Variants in OXR1 observed in about 807,000 individuals in gnomAD.
OXR1 encodes oxidation resistance protein 1.
OXR1 carries 41 observed loss-of-function variants against 104.6 expected under a neutral mutation model. The observed-to-expected ratio is 0.39, with a 90% confidence interval of 0.31 to 0.51. The LOEUF is 0.51. Ranked by LOEUF, OXR1 falls within the 20% of genes least tolerant of loss-of-function variation. The probability of loss-of-function intolerance (pLI) is 0.77; values close to 1 mark genes in which losing one functional copy is unlikely to be tolerated. For synonymous variants in OXR1, 348 were observed against 348.4 expected, an observed-to-expected ratio of 1.00 and a Z score of 0.01; for missense variants, 955 against 1,031.9, an observed-to-expected ratio of 0.93 and a Z score of 1.02.
At chr8:106,519,199 A>G in intron 3 of OXR1, 60 bp downstream of exon 3, 1 of 1,193,076 alleles carries the variant, frequency 8.4e-7, no homozygotes. Context: ...GGCATTGAGA[A>G]TTTCTGGGTC....
intron 2 of OXR1, among the ~76,000 whole-genome samples, chr8:106,429,853 T>C (rs1217749542): frequency 6.6e-6 from 1 of 152,146 alleles, no homozygotes; most frequent in Non-Finnish European, 1.5e-5. Context: ...GATTGTAAAA[T>C]TTAGGTCAAA....
At chr8:106,719,619 AT>A (rs1832642225) in intron 11 of OXR1, among the ~76,000 whole-genome samples, 3 of 150,768 alleles carry the variant, frequency 2.0e-5, no homozygotes, top group Admixed American at 2.0e-4. Flanking sequence ...TTGCTTTTTT[AT>A]TTCAGTTTTT....
intron 2 of OXR1, among the ~76,000 whole-genome samples, chr8:106,364,640 G>A (rs980262663): frequency 6.6e-6 from 1 of 152,042 alleles, no homozygotes; most frequent in Admixed American, 6.6e-5. Context: ...GAATTTTAGA[G>A]TTCAGAAAAA....
intron 11 of OXR1, chr8:106,720,611 T>C (rs1264314728): frequency 7.8e-6 from 3 of 386,032 alleles, no homozygotes; most frequent in Non-Finnish European, 1.1e-5. Context: ...TAAGAAAACA[T>C]ATTTTCTCCT....
At chr8:106,285,358 C>G (rs1056210996) in intron 1 of OXR1, among the ~76,000 whole-genome samples, 4 of 152,074 alleles carry the variant, frequency 2.6e-5, no homozygotes, top group African/African-American at 9.7e-5. Flanking sequence ...AGTAATTGGG[C>G]AGCTCTGCCT....
At chr8:106,718,769 G>T (rs933863820) in intron 11 of OXR1, among the ~76,000 whole-genome samples, 1 of 151,610 alleles carries the variant, frequency 6.6e-6, no homozygotes, top group Non-Finnish European at 1.5e-5. Flanking sequence ...AACCTGGGAG[G>T]TGGAGCGTGC....
rs927167419 is a variant in OXR1 at position 106,552,827 on chromosome 8, A to T, written c.220+33688A>T. On this transcript the variant is annotated intron_variant, in intron 3 of 16. Transcript: ENST00000517566. Reference sequence around the variant, plus strand: ...TTTGTATGAATATTTCATTTCTCTTAACAATAGTGACATTGGTGGGTTCTC... The same window carrying T: ...TTTGTATGAATATTTCATTTCTCTTTACAATAGTGACATTGGTGGGTTCTC... Among the ~76,000 whole-genome samples the T allele has an allele frequency of 2.6e-5, 4 of 152,184 alleles. No individual in the cohort carries two copies. In the East Asian group the frequency reaches 7.7e-4, roughly 29 times the overall value.
intron 3 of OXR1, among the ~76,000 whole-genome samples, chr8:106,670,998 TTGCACCTC>T (rs796539160): frequency 8.1e-5 from 11 of 136,006 alleles, no homozygotes; most frequent in African/African-American, 3.2e-4. Flanking sequence ...TGAGCCAAAA[TTGCACCTC>T]TGCACTCCAG....
chr8:106,546,199 G>A (rs545146304), intron 3 of OXR1, among the ~76,000 whole-genome samples: 10 of 152,162 alleles, frequency 6.6e-5, no homozygotes, highest in African/African-American at 9.6e-5. Context: ...GAGTCATTTC[G>A]TGCTTTACCC....
intron 1 of OXR1, among the ~76,000 whole-genome samples, chr8:106,323,877 T>C (rs2130190512): frequency 6.6e-6 from 1 of 152,226 alleles, no homozygotes; most frequent in Middle Eastern, 3.4e-3. Flanking sequence ...CTGGCGAGGT[T>C]GTGGAGAAAA....
At chr8:106,657,755 A>C (rs1431616119) in intron 3 of OXR1, 15 of 1,012,206 alleles carry the variant, frequency 1.5e-5, no homozygotes, top group Non-Finnish European at 1.9e-5. Context: ...CCACAAGAAA[A>C]ACTTTTCGAA....
chr8:106,313,668 C>T (rs1332963603), intron 1 of OXR1, among the ~76,000 whole-genome samples: 1 of 151,970 alleles, frequency 6.6e-6, no homozygotes, highest in Non-Finnish European at 1.5e-5. Context: ...ATGAATTTGT[C>T]CAGCCATATC....
intron 3 of OXR1, among the ~76,000 whole-genome samples, chr8:106,641,971 C>T (rs954227503): frequency 4.5e-4 from 69 of 151,820 alleles, no homozygotes; most frequent in African/African-American, 1.6e-3. Flanking sequence ...GGGGTCTTGC[C>T]ATATTGCCCT....
Position 106,710,684 on chromosome 8 carries a change from G to A in OXR1, c.1687G>A (p.Gly563Arg), listed in dbSNP as rs1831600542. Residue 563 changes from glycine (G) to arginine (R), a missense_variant, in exon 10 of 17, where the codon GGA becomes AGA. By Grantham distance (125) the Gly-to-Arg change is moderately radical. Coordinates refer to ENST00000517566, the MANE Select transcript of OXR1 (RefSeq NM_001198533.2). ...ACATAAGTTCTTGTGTCTCAGAGTT[G>A]GAAAACCAATGAGGAAAACGTTTGT... is the stretch of plus-strand genomic sequence containing the variant. ...RLHKFLCLRV[G>R]KPMRKTFVSQ... The A allele has an allele frequency of 6.2e-7, 1 of 1,603,588 alleles. No individual in the cohort carries two copies. Among genetic ancestry groups the A allele is most frequent in the Non-Finnish European group, 8.5e-7 (1 of 1,174,454 alleles).
rs201342288 is a variant in OXR1 at position 106,569,596 on chromosome 8, C to T, written c.220+50457C>T. Among the ~76,000 whole-genome samples the T allele has an allele frequency of 2.0e-5, 3 of 152,186 alleles. No individual in the cohort carries two copies. In the East Asian group the frequency reaches 5.8e-4, roughly 29 times the overall value. On this transcript the variant is annotated intron_variant, in intron 3 of 16. Transcript: ENST00000517566. ...AAGATCCTATAACCCAGCGAAGATG[C>T]AGTCTCACTAAATCGGTATAAAGAG...
intron 3 of OXR1, chr8:106,657,916 C>CT: frequency 8.0e-7 from 1 of 1,247,082 alleles, no homozygotes; most frequent in South Asian, 4.2e-5. Context: ...GGTGGGCGCG[C>CT]TAGTGGTGGC....
At position 106,664,746 on chromosome 8, in the gene OXR1, A is replaced by G. The variant is rs1470762563; in HGVS notation, c.221-14464A>G. On this transcript the variant is annotated intron_variant, in intron 3 of 16. Coordinates refer to ENST00000517566, the MANE Select transcript of OXR1 (RefSeq NM_001198533.2). ...ACATTTATTATATTTAAAACTTAGT[A>G]TAGGGTTTTTAATATTTTTCTCAGG... Among the ~76,000 whole-genome samples the G allele has an allele frequency of 2.0e-5, 3 of 152,358 alleles. No homozygotes were observed. The South Asian group carries it at 6.2e-4, about 32-fold the overall frequency.
At chr8:106,549,799 C>T (rs753634517) in intron 3 of OXR1, among the ~76,000 whole-genome samples, 1 of 152,188 alleles carries the variant, frequency 6.6e-6, no homozygotes, top group Non-Finnish European at 1.5e-5. Flanking sequence ...GCTCTGCTCT[C>T]AGGACCTAAT....
chr8:106,708,991 A>G (rs941597913), intron 9 of OXR1, among the ~76,000 whole-genome samples: 3 of 151,550 alleles, frequency 2.0e-5, no homozygotes, highest in African/African-American at 7.3e-5. Flanking sequence ...GTAGATATTA[A>G]AATAATTCAT....
Sources: gnomAD v4.1 joint callset for allele counts (sites outside exome capture counted in the v4.1 genomes callset) on GRCh38, gnomAD v4.1.1 for gene constraint, MANE v1.5 for transcripts, NCBI Gene and HGNC (gene_info 2026-07-23, HGNC 2026-07-21) for gene names.